SRGAP1: variants seen among roughly 807,000 people sequenced by gnomAD.
SRGAP1 encodes SLIT-ROBO Rho GTPase-activating protein 1.
In SRGAP1, 43 loss-of-function variants were observed where a neutral mutation model predicts 121.9. The ratio of observed to expected loss-of-function variants is 0.35; its 90% CI spans 0.28 to 0.46. SRGAP1 has a LOEUF of 0.46. SRGAP1 is among the 20% of genes least tolerant of loss of function. SRGAP1 has a pLI of 1.00. For missense variants in SRGAP1, 1,102 were observed against 1,350.9 expected (o/e 0.82, Z 2.89); for synonymous variants, 447 against 485.4 (o/e 0.92, Z 1.04).
intron 12 of SRGAP1, among the ~76,000 whole-genome samples, chr12:64,092,457 C>CATACATAT (rs1236364492): frequency 4.1e-4 from 60 of 145,874 alleles, no homozygotes; most frequent in African/African-American, 1.5e-3. Context: ...TGTATAAGGA[C>CATACATAT]ATACATACAT....
At chr12:64,065,354 T>C (rs2035519512) in intron 8 of SRGAP1, 135 bp downstream of exon 8, 1 of 759,454 alleles carries the variant, frequency 1.3e-6, no homozygotes, top group Non-Finnish European at 2.2e-6. Flanking sequence ...TCAGGGTTCC[T>C]GTAGTACTCT....
intron 6 of SRGAP1, among the ~76,000 whole-genome samples, chr12:64,045,435 C>T (rs1327881159): frequency 6.6e-6 from 1 of 151,064 alleles, no homozygotes; most frequent in African/African-American, 2.4e-5. Context: ...AAATCCAAAC[C>T]AATTTTTTTT....
chr12:64,002,871 A>G (rs928889842), intron 3 of SRGAP1, among the ~76,000 whole-genome samples: 6 of 152,120 alleles, frequency 3.9e-5, no homozygotes, highest in African/African-American at 1.4e-4. Context: ...AATATTCAGA[A>G]TATCCAGAAC....
intron 3 of SRGAP1, among the ~76,000 whole-genome samples, chr12:64,005,929 G>A (rs147901407): frequency 8.5e-4 from 129 of 152,240 alleles, no homozygotes; most frequent in African/African-American, 2.9e-3. Context: ...AGGCACAGTG[G>A]CGGCTACTAT....
intron 1 of SRGAP1, among the ~76,000 whole-genome samples, chr12:63,869,915 T>C (rs1899791033): frequency 2.0e-5 from 3 of 152,300 alleles, no homozygotes; most frequent in Middle Eastern, 3.4e-3. Flanking sequence ...ACATTACAGA[T>C]AGGGAAAAAG....
intron 1 of SRGAP1, among the ~76,000 whole-genome samples, chr12:63,848,074 C>T (rs1898961054): frequency 6.6e-6 from 1 of 151,716 alleles, no homozygotes; most frequent in South Asian, 2.1e-4. Flanking sequence ...GGCGTGGTCT[C>T]GGCTCAGTGC....
At chr12:63,909,425 C>T (rs919622693) in intron 1 of SRGAP1, among the ~76,000 whole-genome samples, 3 of 152,226 alleles carry the variant, frequency 2.0e-5, no homozygotes. Context: ...TCACTTTGTG[C>T]TTCAACAGAT....
At chr12:64,000,469 C>T (rs1007614864) in intron 3 of SRGAP1, among the ~76,000 whole-genome samples, 2 of 151,954 alleles carry the variant, frequency 1.3e-5, no homozygotes, top group African/African-American at 4.8e-5. Flanking sequence ...AAAAGTTAGC[C>T]AGCCATGACG....
At chr12:63,935,135 C>T (rs1363588040) in intron 1 of SRGAP1, among the ~76,000 whole-genome samples, 2 of 152,092 alleles carry the variant, frequency 1.3e-5, no homozygotes, top group East Asian at 1.9e-4. Context: ...CAGTGGCTGG[C>T]GCAGAGCCTG....
At position 63,880,866 on chromosome 12, in the gene SRGAP1, T is replaced by C. The variant is rs567675001; in HGVS notation, c.67+35983T>C. 2.6e-5 allele frequency among the ~76,000 whole-genome samples: 4 copies of C among 152,280 alleles called. No individual in the cohort carries two copies. The South Asian group carries it at 8.3e-4, about 32-fold the overall frequency. ...GCAGACCCTAGATGTACCTCGAAAA[T>C]GTACTGATGTGTGAATGAATGAGCG... On this transcript the variant is annotated intron_variant, in intron 1 of 21. Transcript: ENST00000355086.
intron 1 of SRGAP1, among the ~76,000 whole-genome samples, chr12:63,856,252 CTAAATAAATAAATAAA>C (rs79879818): frequency 0.16 from 23,712 of 146,308 alleles, 3,119 homozygotes; most frequent in East Asian, 0.41. Flanking sequence ...AACTCCGTCT[CTAAATAAATAAATAAA>C]TAAATAAATA....
chr12:64,095,432 A>G (rs1201493347), intron 14 of SRGAP1, among the ~76,000 whole-genome samples: 1 of 152,178 alleles, frequency 6.6e-6, no homozygotes, highest in African/African-American at 2.4e-5. Flanking sequence ...CTGGTTGAGG[A>G]CTGACATTGA....
intron 4 of SRGAP1, among the ~76,000 whole-genome samples, chr12:64,037,221 C>T (rs1174536176): frequency 6.6e-6 from 1 of 152,034 alleles, no homozygotes; most frequent in East Asian, 1.9e-4. Flanking sequence ...GGGAGGGAGC[C>T]GTGAGTGACT....
At position 64,108,920 on chromosome 12, in the gene SRGAP1, T is replaced by C; in HGVS notation, c.1814-12T>C. 1 of 1,580,758 alleles carries C rather than the reference T, an allele frequency of 6.3e-7. No individual in the cohort carries two copies. The highest frequency in any genetic ancestry group is 8.6e-7 in the Non-Finnish European group (1 of 1,157,922). ...GTGAAAGGACTCTGACCATGTCATC[T>C]TCTGTCTGTAGGAATAGATAATCTC... On this transcript the variant is annotated splice_polypyrimidine_tract_variant and intron_variant, in intron 15 of 21. Coordinates refer to ENST00000355086, the MANE Select transcript of SRGAP1 (RefSeq NM_020762.4).
intron 1 of SRGAP1, among the ~76,000 whole-genome samples, chr12:63,882,835 C>G (rs1006474009): frequency 6.6e-6 from 1 of 152,140 alleles, no homozygotes; most frequent in African/African-American, 2.4e-5. Flanking sequence ...CAACCAAGAA[C>G]AATTCTCTTG....
Position 64,059,993 on chromosome 12 carries a change from G to C in SRGAP1, c.802-2924G>C, listed in dbSNP as rs2035415566. Among the ~76,000 whole-genome samples, 3 of 151,854 alleles carry C rather than the reference G, an allele frequency of 2.0e-5. No homozygotes were observed. The South Asian group carries it at 6.2e-4, about 32-fold the overall frequency. ...GCTTGGGGAAATAGCACCCCCAAAA[G>C]ACATGGTTGCAGGCCCATTTACTTG... is the stretch of plus-strand genomic sequence containing the variant. On this transcript the variant is annotated intron_variant, in intron 6 of 21. Coordinates refer to ENST00000355086, the MANE Select transcript of SRGAP1 (RefSeq NM_020762.4).
At chr12:64,096,612 A>AT (rs1166670526) in intron 14 of SRGAP1, among the ~76,000 whole-genome samples, 3 of 152,186 alleles carry the variant, frequency 2.0e-5, no homozygotes, top group African/African-American at 7.2e-5. Context: ...TTTGTGATAT[A>AT]TTTTTTAAAT....
At chr12:64,041,795 G>A (rs147055361) in intron 4 of SRGAP1, among the ~76,000 whole-genome samples, 45 of 151,840 alleles carry the variant, frequency 3.0e-4, no homozygotes, top group African/African-American at 1.1e-3. Context: ...TGTTTTCATA[G>A]AGAAAAGGCT....
At chr12:63,886,935 G>T (rs190301545) in intron 1 of SRGAP1, among the ~76,000 whole-genome samples, 1 of 152,040 alleles carries the variant, frequency 6.6e-6, no homozygotes, top group Non-Finnish European at 1.5e-5. Flanking sequence ...GTGCAATGGC[G>T]TGATCTTGGC....
Sources: allele counts gnomAD v4.1 joint callset (sites outside exome capture counted in the v4.1 genomes callset), GRCh38; gene constraint gnomAD v4.1.1; transcripts MANE v1.5; gene names NCBI Gene and HGNC (gene_info 2026-07-23, HGNC 2026-07-21).